Variants in C12orf42 observed in about 807,000 individuals in gnomAD.
C12orf42 encodes uncharacterized protein C12orf42.
A neutral mutation model predicts 21.6 loss-of-function variants in C12orf42; 25 were observed. The ratio of observed to expected loss-of-function variants is 1.16; its 90% CI spans 0.84 to 1.62. The LOEUF is 1.62. C12orf42 is among the 40% of genes most tolerant of loss of function. The pLI is 0.00. For missense variants in C12orf42, 483 were observed against 459.3 expected (o/e 1.05, Z -0.47); for synonymous variants, 174 against 175.0 (o/e 0.99, Z 0.05).
chr12:103,151,991 G>C, the C12orf42 span: 2 of 152,184 alleles, frequency 1.3e-5, no homozygotes, highest in East Asian at 3.8e-4. Flanking sequence ...TTTGATGCAG[G>C]GGAGATTCTC....
At chr12:103,185,813 C>A in the C12orf42 span, among the ~76,000 whole-genome samples, 2 of 152,154 alleles carry the variant, frequency 1.3e-5, no homozygotes, top group Admixed American at 1.3e-4. Flanking sequence ...TTTCACCTCC[C>A]GCCGTGATTC....
intron 4 of C12orf42, among the ~76,000 whole-genome samples, chr12:103,330,941 G>C (rs1389246344): frequency 6.6e-6 from 1 of 152,182 alleles, no homozygotes; most frequent in East Asian, 1.9e-4. Flanking sequence ...CAAAAGTACA[G>C]AAAGTAGCCA....
chr12:103,417,040 T>A (rs1384475459), intron 2 of C12orf42, among the ~76,000 whole-genome samples: 1 of 152,200 alleles, frequency 6.6e-6, no homozygotes, highest in Non-Finnish European at 1.5e-5. Flanking sequence ...TAATAAAAGC[T>A]ATCTGAATGT....
chr12:103,536,517 G>C, the C12orf42 span, among the ~76,000 whole-genome samples: 1 of 152,122 alleles, frequency 6.6e-6, no homozygotes, highest in Non-Finnish European at 1.5e-5. Context: ...TGGCACTTTG[G>C]AGAGAAGGCC....
chr12:103,364,760 A>C (rs1028292944), intron 4 of C12orf42, among the ~76,000 whole-genome samples: 3 of 152,010 alleles, frequency 2.0e-5, no homozygotes, highest in African/African-American at 7.2e-5. Context: ...CTAGAAATAC[A>C]CAACCCTCCT....
chr12:103,530,421 A>T, the C12orf42 span, among the ~76,000 whole-genome samples: 1 of 152,242 alleles, frequency 6.6e-6, no homozygotes, highest in South Asian at 2.1e-4. Context: ...GCCTCCCAGC[A>T]GGAGCTGACC....
chr12:103,516,062 AC>A, the C12orf42 span, among the ~76,000 whole-genome samples: 1 of 152,186 alleles, frequency 6.6e-6, no homozygotes, highest in African/African-American at 2.4e-5. Flanking sequence ...AATTGGATAT[AC>A]TTCTTTAAAA....
the C12orf42 span, chr12:103,161,534 A>G: frequency 6.6e-6 from 1 of 152,184 alleles, no homozygotes; most frequent in Non-Finnish European, 1.5e-5. Context: ...TCTGCCACTT[A>G]TTTCACCACA....
At chr12:103,409,055 T>C (rs941774240) in intron 2 of C12orf42, among the ~76,000 whole-genome samples, 1 of 152,184 alleles carries the variant, frequency 6.6e-6, no homozygotes, top group Non-Finnish European at 1.5e-5. Context: ...TTTATCATGG[T>C]TACCATTTCA....
chr12:103,310,908 C>T (rs761976429), intron 4 of C12orf42, among the ~76,000 whole-genome samples: 15 of 152,174 alleles, frequency 9.9e-5, no homozygotes, highest in Admixed American at 9.8e-4. Context: ...AAACAAACAA[C>T]ACTAGAACCA....
intron 10 of C12orf42, among the ~76,000 whole-genome samples, chr12:103,241,867 C>G (rs1029842809): frequency 6.6e-6 from 1 of 152,182 alleles, no homozygotes; most frequent in African/African-American, 2.4e-5. Flanking sequence ...GACTATTTAG[C>G]CTGTGTTATT....
chr12:103,236,969 A>G (rs960782834), downstream of C12orf42, among the ~76,000 whole-genome samples: 1 of 152,214 alleles, frequency 6.6e-6, no homozygotes, highest in Non-Finnish European at 1.5e-5. Context: ...CTAGGGAAGC[A>G]TTACATCCTC....
chr12:103,346,956 T>C (rs1364357963), intron 4 of C12orf42, among the ~76,000 whole-genome samples: 1 of 152,202 alleles, frequency 6.6e-6, no homozygotes, highest in African/African-American at 2.4e-5. Flanking sequence ...AAAGAAATTA[T>C]TTATCATGCA....
At chr12:103,529,131 T>C in the C12orf42 span, among the ~76,000 whole-genome samples, 2 of 152,204 alleles carry the variant, frequency 1.3e-5, no homozygotes, top group Non-Finnish European at 2.9e-5. Context: ...TCCAGGTGCC[T>C]GAGCATGACT....
intron 2 of C12orf42, chr12:103,478,097 A>G: frequency 2.7e-6 from 1 of 377,080 alleles, no homozygotes; most frequent in South Asian, 3.3e-5. Context: ...AATAGCAAAG[A>G]CAACACATTT....
Position 103,401,535 on chromosome 12 carries a change from A to G in C12orf42, c.147+72T>C, listed in dbSNP as rs576044296. The G allele has an allele frequency of 7.7e-5, 96 of 1,245,604 alleles. No individual in the cohort carries two copies. In the South Asian group the frequency reaches 1.1e-3, roughly 14 times the overall value. 77.2% of individuals were successfully genotyped at this position (1,245,604 alleles called of 1,614,324 possible). A position where few individuals can be genotyped will look rare whatever the true frequency, so the allele number is the denominator to read the frequency against. On this transcript the variant is annotated intron_variant, in intron 3 of 5. Coordinates refer to ENST00000548883, the MANE Select transcript of C12orf42 (RefSeq NM_198521.5). ...AAAATACAAAGAAACAAATCTGCTTACATGTAAAGCAACTGAACCCTAAAG... is the reference window on the plus strand; with the variant it reads ...AAAATACAAAGAAACAAATCTGCTTGCATGTAAAGCAACTGAACCCTAAAG...
chr12:103,225,006 G>C, the C12orf42 span, among the ~76,000 whole-genome samples: 3 of 152,184 alleles, frequency 2.0e-5, no homozygotes, highest in Non-Finnish European at 4.4e-5. Context: ...GATGAAATTT[G>C]GGCTTGACTG....
chr12:103,431,682 A>G (rs146949082), intron 2 of C12orf42, among the ~76,000 whole-genome samples: 2 of 152,338 alleles, frequency 1.3e-5, no homozygotes, highest in Admixed American at 6.5e-5. Context: ...TAATCACTGT[A>G]TCATTATTCT....
At chr12:103,392,883 C>A (rs1199758545) in intron 3 of C12orf42, among the ~76,000 whole-genome samples, 3 of 152,030 alleles carry the variant, frequency 2.0e-5, no homozygotes. Flanking sequence ...TGAGTTCCTG[C>A]CACAGAAGTG....
Sources: allele counts gnomAD v4.1 joint callset (sites outside exome capture counted in the v4.1 genomes callset), GRCh38; gene constraint gnomAD v4.1.1; transcripts MANE v1.5; gene names NCBI Gene and HGNC (gene_info 2026-07-23, HGNC 2026-07-21).